Variants in KLK10 observed in about 807,000 individuals in gnomAD.
KLK10 encodes the protein kallikrein-10.
KLK10 carries 27 observed loss-of-function variants against 25.7 expected under a neutral mutation model. The ratio of observed to expected loss-of-function variants is 1.05; its 90% confidence interval spans 0.77 to 1.45. KLK10 has a LOEUF of 1.45. Ranked by LOEUF, KLK10 falls within the 40% of genes most tolerant of loss-of-function variation. KLK10 has a pLI of 0.00. For missense variants in KLK10, 386 were observed against 370.0 expected (o/e 1.04, Z -0.35); for synonymous variants, 173 against 160.1 (o/e 1.08, Z -0.61).
Position 51,013,206 on chromosome 19 carries a change from C to T in KLK10, c.*1594G>A, listed in dbSNP as rs2091285542. The T allele has an allele frequency of 6.6e-6, 1 of 152,152 alleles. No individual in the cohort carries two copies. Among genetic ancestry groups the T allele is most frequent in the Non-Finnish European group, 1.5e-5 (1 of 68,056 alleles). 9.4% of individuals were successfully genotyped at this position (152,152 alleles called of 1,614,324 possible). A position where few individuals can be genotyped will look rare whatever the true frequency, so the allele number is the denominator to read the frequency against. ...TGCTCAGACCTTGTACATCAACCTCCTGTGGGCTCTGCAGGGTGGGGGACC... is the reference window on the plus strand; with the variant it reads ...TGCTCAGACCTTGTACATCAACCTCTTGTGGGCTCTGCAGGGTGGGGGACC... On this transcript the variant is annotated 3_prime_UTR_variant, in exon 6 of 6. Transcript: ENST00000358789.
At position 51,019,163 on chromosome 19, in the gene KLK10, G is replaced by C. The variant is rs2080183165; in HGVS notation, c.-9-24C>G. ...ATCTGCTGGGGTGTGTGCAGGGGCG[G>C]GTTAAAACAGATGCTCCGTTAGAGA... On this transcript the variant is annotated intron_variant, in intron 1 of 5. Transcript: ENST00000358789. The surrounding 1 kb of genome is among the most constrained non-coding windows in gnomAD (Gnocchi z 4.2). The C allele has an allele frequency of 2.6e-6, 4 of 1,524,422 alleles. No individual in the cohort carries two copies. The highest frequency in any genetic ancestry group is 1.4e-5 in the African/African-American group (1 of 72,968). The allele number at this position is 1,524,422 out of a possible 1,614,324, so 94.4% of individuals were successfully genotyped here. A position where few individuals can be genotyped will look rare whatever the true frequency, so the allele number is the denominator to read the frequency against.
chr19:51,018,744 T>C (rs1416001773), intron 2 of KLK10: 1 of 480,634 alleles, frequency 2.1e-6, no homozygotes, highest in East Asian at 3.9e-5. Context: ...TAGTGTAAAA[T>C]GGAGCGGGGC....
intron 2 of KLK10, 188 bp downstream of exon 2, chr19:51,018,855 G>A (rs1381992648): frequency 1.5e-5 from 9 of 597,678 alleles, no homozygotes; most frequent in Non-Finnish European, 2.4e-5. Context: ...TGAGTGGGGC[G>A]GGTCACCCAG....
chr19:51,017,935 A>C (rs2091351310), intron 2 of KLK10, among the ~76,000 whole-genome samples: 1 of 133,742 alleles, frequency 7.5e-6, no homozygotes. Flanking sequence ...CAGGAGGTGG[A>C]GGTTGCAATG....
Position 51,014,639 on chromosome 19 carries a change from A to T in KLK10, c.*161T>A. ...GGGATAGGTGGGGGAATGAGGTGAGAGGGGAGATGTTTAGAGGTGTGGAGG... is the reference window on the plus strand; with the variant it reads ...GGGATAGGTGGGGGAATGAGGTGAGTGGGGAGATGTTTAGAGGTGTGGAGG... On this transcript the variant is annotated 3_prime_UTR_variant, in exon 6 of 6. Transcript: ENST00000358789. The T allele has an allele frequency of 1.6e-6, 1 of 610,038 alleles. No individual in the cohort carries two copies. Among genetic ancestry groups the T allele is most frequent in the Non-Finnish European group, 2.9e-6 (1 of 348,488 alleles). The allele number at this position is 610,038 out of a possible 1,614,324, so 37.8% of individuals were successfully genotyped here.
intron 4 of KLK10, 34 bp from the exon 5 acceptor site, chr19:51,015,584 C>T (rs999689040): frequency 3.1e-6 from 5 of 1,606,930 alleles, no homozygotes; most frequent in East Asian, 2.2e-5. Context: ...TCCCTGGGTC[C>T]AGCCCCCAAT....
rs2091318598 is a variant in KLK10, at chr19:51,015,825, G to A, written c.544+57C>T. On this transcript the variant is annotated intron_variant, in intron 4 of 5. Transcript: ENST00000358789. ...AGCCCATCCTTCCTCAGACCCAGGG[G>A]TTCAGGCCCTCAGCCCCCTCCTCCT... 2 of 1,434,136 alleles carry A rather than the reference G, an allele frequency of 1.4e-6. 1 individual carries two copies. Among genetic ancestry groups the A allele is most frequent in the Admixed American group, 5.2e-5 (2 of 38,160 alleles). 88.8% of individuals were successfully genotyped at this position (1,434,136 alleles called of 1,614,324 possible). A position where few individuals can be genotyped will look rare whatever the true frequency, so the allele number is the denominator to read the frequency against.
intron 2 of KLK10, among the ~76,000 whole-genome samples, 191 bp from the exon 3 acceptor site, chr19:51,017,481 G>T (rs1415130751): frequency 6.6e-6 from 1 of 152,114 alleles, no homozygotes; most frequent in African/African-American, 2.4e-5. Flanking sequence ...GAAAGTGGAA[G>T]GAAGCTGGGA....
chr19:51,016,584 T>A (rs952820628), intron 3 of KLK10, among the ~76,000 whole-genome samples: 60 of 150,970 alleles, frequency 4.0e-4, no homozygotes, highest in East Asian at 3.3e-3. Flanking sequence ...TTAATTTTTT[T>A]AAAATTTTTT....
chr19:51,019,328 A>G lies in KLK10; in HGVS notation c.-9-189T>C, dbSNP rs2091378437. On this transcript the variant is annotated intron_variant, in intron 1 of 5. Transcript: ENST00000358789. The surrounding 1 kb of genome is among the most constrained non-coding windows in gnomAD (Gnocchi z 4.2). Reference sequence around the variant, plus strand: ...AGCGGTAATGGGCACAATTACCCTAATGACGCCCCTCGCGGCATCTTCCCG... The same window carrying G: ...AGCGGTAATGGGCACAATTACCCTAGTGACGCCCCTCGCGGCATCTTCCCG... 6.6e-6 allele frequency among the ~76,000 whole-genome samples: 1 copy of G among 152,164 alleles called. No individual in the cohort carries two copies. The highest frequency in any genetic ancestry group is 2.1e-4 in the South Asian group (1 of 4,832).
chr19:51,014,767 A>T lies in KLK10; in HGVS notation c.*33T>A. On this transcript the variant is annotated 3_prime_UTR_variant, in exon 6 of 6. Coordinates refer to ENST00000358789, the MANE Select transcript of KLK10 (RefSeq NM_145888.3). The stretch of plus-strand genomic sequence containing the variant: ...TGGGCATCTGGATCAGCAGGAGCAT[A>T]ACATCTGGATCAGCTGGAGCGTAGC... 6.2e-7 allele frequency: 1 copy of T among 1,604,962 alleles called. No homozygotes were observed. The highest frequency in any genetic ancestry group is 8.5e-7 in the Non-Finnish European group (1 of 1,173,886).
rs527426602 is a variant in KLK10, at chr19:51,013,263, C to G, written c.*1537G>C. On this transcript the variant is annotated 3_prime_UTR_variant, in exon 6 of 6. Coordinates refer to ENST00000358789, the MANE Select transcript of KLK10 (RefSeq NM_145888.3). ...TCACCCCTACGTATGTCCCCAGCAC[C>G]CAGCACTGGGCCTGGCACATAATAG... The G allele has an allele frequency of 6.6e-6, 1 of 152,138 alleles. No homozygotes were observed. Among genetic ancestry groups the G allele is most frequent in the South Asian group, 2.1e-4 (1 of 4,804 alleles). The allele number at this position is 152,138 out of a possible 1,614,324, so 9.4% of individuals were successfully genotyped here. A position where few individuals can be genotyped will look rare whatever the true frequency, so the allele number is the denominator to read the frequency against.
chr19:51,015,824 G>T (rs1315674864), intron 4 of KLK10, 58 bp downstream of exon 4: 17 of 1,426,372 alleles, frequency 1.2e-5, no homozygotes, highest in Non-Finnish European at 1.4e-5. Flanking sequence ...CAGACCCAGG[G>T]GTTCAGGCCC....
In KLK10 at chr19:51,019,030, C is replaced by A; in HGVS notation, c.88+13G>T. On this transcript the variant is annotated intron_variant, in intron 2 of 5. Transcript: ENST00000358789. This position sits in a 1 kb window ranked among gnomAD's most constrained non-coding sequence, Gnocchi z 4.2. ...CACCGGCGCCTCTCCCCGCCCCCTG[C>A]CCCCGACCTTACCCCAGAGTTGCGC... The A allele has an allele frequency of 6.3e-7, 1 of 1,578,448 alleles. No homozygotes were observed. Among genetic ancestry groups the A allele is most frequent in the East Asian group, 2.3e-5 (1 of 44,328 alleles).
chr19:51,017,040 C>CT lies in KLK10; in HGVS notation c.269+69dup, dbSNP rs892179265. The CT allele has an allele frequency of 2.8e-6, 4 of 1,417,288 alleles. No homozygotes were observed. In the African/African-American group the frequency reaches 5.8e-5, roughly 20 times the overall value. 87.8% of individuals were successfully genotyped at this position (1,417,288 alleles called of 1,614,324 possible). On this transcript the variant is annotated intron_variant, in intron 3 of 5. Transcript: ENST00000358789. ...TGTGGGAGTTCCGAGAGACCCCGCC[C>CT]TGCCCGCTCCTCCCTGGAGGCCGCC...
chr19:51,017,685 T>C (rs572196404), intron 2 of KLK10, among the ~76,000 whole-genome samples: 110 of 151,122 alleles, frequency 7.3e-4, no homozygotes, highest in Middle Eastern at 3.4e-3. Flanking sequence ...CAAAACGGGA[T>C]TGAAAACCAG....
In KLK10 at chr19:51,017,283, C is replaced by A. The variant is rs913436409; in HGVS notation, c.96G>T (p.Glu32Asp). Reference sequence around the variant, plus strand: ...TGTCGTTTTGGGGGAGCAGCGCCGCCTCTGCGGCTGGAGAAAGAAAGGGGA... The same window carrying A: ...TGTCGTTTTGGGGGAGCAGCGCCGCATCTGCGGCTGGAGAAAGAAAGGGGA... ...PLLMAQLWAAEAALLPQNDTR... is the reference protein window; with the variant it reads ...PLLMAQLWAADAALLPQNDTR... The change falls in exon 3 of 6, where the codon GAG (glutamate) becomes GAT (aspartate). Residue 32 changes from glutamate (E) to aspartate (D), a missense_variant. Transcript: ENST00000358789. 1 of 1,603,828 alleles carries A rather than the reference C, an allele frequency of 6.2e-7. No homozygotes were observed. Among genetic ancestry groups the A allele is most frequent in the African/African-American group, 1.3e-5 (1 of 74,624 alleles).
chr19:51,016,579 T>C (rs2091331321), intron 3 of KLK10, among the ~76,000 whole-genome samples: 1 of 150,690 alleles, frequency 6.6e-6, no homozygotes, highest in Non-Finnish European at 1.5e-5. Context: ...TTTTTTTAAT[T>C]TTTTTAAAAT....
At chr19:51,016,661 C>G (rs2091332670) in intron 3 of KLK10, among the ~76,000 whole-genome samples, 1 of 151,548 alleles carries the variant, frequency 6.6e-6, no homozygotes, top group Non-Finnish European at 1.5e-5. Context: ...TGGTCTTGAA[C>G]TCCTGACCTC....
Sources: allele counts gnomAD v4.1 joint callset (sites outside exome capture counted in the v4.1 genomes callset), GRCh38; gene constraint gnomAD v4.1.1; non-coding constraint Gnocchi (gnomAD v3.1); transcripts MANE v1.5; gene names NCBI Gene and HGNC (gene_info 2026-07-23, HGNC 2026-07-21).